Variants in KCNJ6 observed in about 807,000 individuals in gnomAD.
The protein encoded by KCNJ6 is G protein-activated inward rectifier potassium channel 2.
In KCNJ6, 9 loss-of-function variants were observed where a neutral mutation model predicts 34.2. The observed-to-expected ratio is 0.26, with a 90% CI of 0.16 to 0.46. The LOEUF (loss-of-function observed/expected upper bound fraction) is 0.46, where lower values mean the gene tolerates loss of function less well. Ranked by LOEUF, KCNJ6 falls within the 20% of genes least tolerant of loss-of-function variation. The pLI, the probability that KCNJ6 is intolerant of heterozygous loss-of-function variation, is 1.00. For missense variants in KCNJ6, 236 were observed against 531.3 expected, an observed-to-expected ratio of 0.44 and a Z score of 5.46; for synonymous variants, 196 against 207.1, an observed-to-expected ratio of 0.95 and a Z score of 0.46.
At chr21:37,725,217 A>G (rs140488463) in intron 2 of KCNJ6, among the ~76,000 whole-genome samples, 2,230 of 152,230 alleles carry the variant, frequency 0.015, 55 homozygotes, top group African/African-American at 0.051. Context: ...ACATAGTGAA[A>G]CCCTGTCTCT....
chr21:37,720,747 CCGGACTG>C (rs1489232359), intron 2 of KCNJ6, among the ~76,000 whole-genome samples: 13 of 149,306 alleles, frequency 8.7e-5, no homozygotes, highest in African/African-American at 2.0e-4. Flanking sequence ...GTCGCCCAGG[CCGGACTG>C]CGGACTGCAG....
At chr21:37,764,383 C>CTTTTTT (rs376267192) in intron 2 of KCNJ6, among the ~76,000 whole-genome samples, 1 of 145,072 alleles carries the variant, frequency 6.9e-6, no homozygotes, top group Non-Finnish European at 1.5e-5. Context: ...AAGATATTTA[C>CTTTTTT]TTTTTTTTTT....
intron 1 of KCNJ6, among the ~76,000 whole-genome samples, chr21:37,879,895 G>A (rs751052109): frequency 9.9e-5 from 15 of 151,676 alleles, no homozygotes; most frequent in Non-Finnish European, 1.6e-4. Context: ...GGTCCAAAAC[G>A]GAAGTAAAAA....
At chr21:37,900,232 T>C (rs1167072635) in intron 1 of KCNJ6, among the ~76,000 whole-genome samples, 2 of 152,192 alleles carry the variant, frequency 1.3e-5, no homozygotes, top group African/African-American at 2.4e-5. Flanking sequence ...AGACACAGTG[T>C]GTGGGAGATG....
intron 3 of KCNJ6, among the ~76,000 whole-genome samples, chr21:37,702,291 G>T (rs1056183864): frequency 2.0e-5 from 3 of 150,994 alleles, no homozygotes; most frequent in Non-Finnish European, 2.9e-5. Flanking sequence ...CTTTGGTAGC[G>T]TGGTCATTAG....
chr21:37,672,536 T>C lies in KCNJ6; in HGVS notation c.946+41675A>G, dbSNP rs2054546837. 2.6e-5 allele frequency among the ~76,000 whole-genome samples: 4 copies of C among 152,146 alleles called. No homozygotes were observed. In the South Asian group the frequency reaches 8.3e-4, roughly 32 times the overall value. On this transcript the variant is annotated intron_variant, in intron 3 of 3. Coordinates refer to ENST00000609713, the MANE Select transcript of KCNJ6 (RefSeq NM_002240.5). ...TAAGACATCCTCAATTTTTTTTTCT[T>C]TTTTCATAAGTCAGTTTGGGTTCTC...
At chr21:37,783,347 T>C (rs1369025218) in intron 2 of KCNJ6, among the ~76,000 whole-genome samples, 1 of 152,192 alleles carries the variant, frequency 6.6e-6, no homozygotes, top group Non-Finnish European at 1.5e-5. Flanking sequence ...GGACAATAAT[T>C]TGAATCACAG....
At chr21:37,900,888 A>G (rs1479041577) in intron 1 of KCNJ6, among the ~76,000 whole-genome samples, 1 of 152,246 alleles carries the variant, frequency 6.6e-6, no homozygotes, top group African/African-American at 2.4e-5. Flanking sequence ...AGAGAAGTTG[A>G]TGATGAATTA....
chr21:37,890,025 A>G (rs1393179227), intron 1 of KCNJ6, among the ~76,000 whole-genome samples: 5 of 152,202 alleles, frequency 3.3e-5, no homozygotes, highest in Non-Finnish European at 7.3e-5. Flanking sequence ...TGCTGGGTTT[A>G]GATAAATCAG....
chr21:37,669,367 C>A (rs2054531605), intron 3 of KCNJ6, among the ~76,000 whole-genome samples: 1 of 152,166 alleles, frequency 6.6e-6, no homozygotes, highest in Non-Finnish European at 1.5e-5. Context: ...TGAGACTGTG[C>A]TTTGGGCCCT....
chr21:37,712,491 CTCCCTCCTCCCCTTCTCCTCCTCTCCT>C, intron 3 of KCNJ6, among the ~76,000 whole-genome samples: 1 of 107,736 alleles, frequency 9.3e-6, no homozygotes, highest in East Asian at 4.1e-4. Flanking sequence ...TTTCTCTTCC[CTCCCTCCTCCCCTTCTCCTCCTCTCCT>C]TCCTCCCTTT....
At chr21:37,879,145 A>C (rs1285073296) in intron 1 of KCNJ6, among the ~76,000 whole-genome samples, 2 of 152,198 alleles carry the variant, frequency 1.3e-5, no homozygotes, top group African/African-American at 4.8e-5. Flanking sequence ...TGAGCTGAGT[A>C]CTGAGTAATG....
intron 1 of KCNJ6, among the ~76,000 whole-genome samples, chr21:37,881,025 CAA>C (rs1230650093): frequency 6.6e-6 from 1 of 152,194 alleles, no homozygotes; most frequent in African/African-American, 2.4e-5. Flanking sequence ...CAAGGCAACT[CAA>C]GTCAAGACTG....
intron 1 of KCNJ6, among the ~76,000 whole-genome samples, chr21:37,877,519 T>C (rs961306893): frequency 6.6e-6 from 1 of 152,068 alleles, no homozygotes; most frequent in Admixed American, 6.5e-5. Flanking sequence ...GCTTTCCAAA[T>C]AAAAGGAAAA....
chr21:37,751,596 C>T (rs1048821101), intron 2 of KCNJ6, among the ~76,000 whole-genome samples: 4 of 152,184 alleles, frequency 2.6e-5, no homozygotes, highest in African/African-American at 9.7e-5. Context: ...TCAGTTGTCC[C>T]GGGATGCTCC....
At chr21:37,914,047 G>GTGTGTC (rs892083560) in intron 1 of KCNJ6, among the ~76,000 whole-genome samples, 3 of 150,308 alleles carry the variant, frequency 2.0e-5, no homozygotes, top group African/African-American at 7.4e-5. Flanking sequence ...GTGTGTGTGT[G>GTGTGTC]TGTCTGTGCG....
At position 37,916,308 on chromosome 21, in the gene KCNJ6, GA is replaced by G. The variant is rs915864769; in HGVS notation, c.-453del. On this transcript the variant is annotated 5_prime_UTR_variant, in exon 1 of 4. The change abolishes the stop of an existing upstream ORF in the 5' untranslated region. Coordinates refer to ENST00000609713, the MANE Select transcript of KCNJ6 (RefSeq NM_002240.5). Reference sequence around the variant, plus strand: ...GTGGGGAAAGATAAGAGTGGCAGAAGAAAAAAAAAATCCCCGGTTAGGAGAA... The same window carrying G: ...GTGGGGAAAGATAAGAGTGGCAGAAGAAAAAAAAATCCCCGGTTAGGAGAA... The G allele has an allele frequency of 8.7e-5, 13 of 150,078 alleles. No homozygotes were observed. Among genetic ancestry groups the G allele is most frequent in the South Asian group, 2.1e-4 (1 of 4,758 alleles). 9.3% of individuals were successfully genotyped at this position (150,078 alleles called of 1,614,324 possible).
At chr21:37,651,827 A>G (rs2054435022) in intron 3 of KCNJ6, among the ~76,000 whole-genome samples, 1 of 152,230 alleles carries the variant, frequency 6.6e-6, no homozygotes, top group Admixed American at 6.5e-5. Context: ...CTGGAACTTT[A>G]GGGACAAGTC....
chr21:37,660,581 G>C (rs2054483639), intron 3 of KCNJ6, among the ~76,000 whole-genome samples: 1 of 152,188 alleles, frequency 6.6e-6, no homozygotes, highest in Non-Finnish European at 1.5e-5. Flanking sequence ...ACCAAACAAA[G>C]ACTTGTAGAC....
Sources: gnomAD v4.1 joint callset for allele counts (sites outside exome capture counted in the v4.1 genomes callset) on GRCh38, gnomAD v4.1.1 for gene constraint, MANE v1.5 for transcripts, NCBI Gene and HGNC (gene_info 2026-07-23, HGNC 2026-07-21) for gene names.